The following FLG2 variants were observed in gnomAD, a reference collection of about 807,000 sequenced individuals.
FLG2 encodes the protein filaggrin-2.
In FLG2, 7 loss-of-function variants were observed where a neutral mutation model predicts 3.9. That is an observed-to-expected ratio of 1.79 (90% CI 1.02 to 3.36). The LOEUF (loss-of-function observed/expected upper bound fraction) is 3.36. FLG2 is among the 30% of genes most tolerant of loss of function. The pLI, the probability that FLG2 is intolerant of heterozygous loss-of-function variation, is 0.00. For synonymous variants in FLG2, 1,031 were observed against 1,056.1 expected, an observed-to-expected ratio of 0.98 and a Z score of 0.46; for missense variants, 2,700 against 2,809.4, an observed-to-expected ratio of 0.96 and a Z score of 0.88.
rs1225050064 is a variant in FLG2, at chr1:152,350,349, G to A, written c.*261C>T. ...ATTGTCCATGGCCAAATCCAAGGTG[G>A]TCATTTGACTGGCTATGTGTACATC... On this transcript the variant is annotated 3_prime_UTR_variant, in exon 3 of 3. Transcript: ENST00000388718. 2.0e-6 allele frequency: 1 copy of A among 499,188 alleles called. No individual in the cohort carries two copies. The highest frequency in any genetic ancestry group is 3.5e-5 in the East Asian group (1 of 28,392). The allele number at this position is 499,188 out of a possible 1,614,324, so 30.9% of individuals were successfully genotyped here. A position where few individuals can be genotyped will look rare whatever the true frequency, so the allele number is the denominator to read the frequency against.
intron 2 of FLG2, 123 bp from the exon 3 acceptor site, chr1:152,357,770 G>A: frequency 1.4e-6 from 1 of 694,946 alleles, no homozygotes; most frequent in Non-Finnish European, 2.4e-6. Flanking sequence ...TCCAATAAAG[G>A]ATTACTTTAG....
Position 152,352,606 on chromosome 1 carries a change from C to T in FLG2, c.5180G>A (p.Gly1727Asp), listed in dbSNP as rs752427222. 5.6e-6 allele frequency: 9 copies of T among 1,613,790 alleles called. No homozygotes were observed. In the African/African-American group the frequency reaches 1.2e-4, roughly 22 times the overall value. ...GSRTTGRRGSGHSEYSDSEGY... is the reference protein window; with the variant it reads ...GSRTTGRRGSDHSEYSDSEGY... Reference sequence around the variant, plus strand: ...TTCACTGTCACTGTACTCACTGTGGCCAGATCCCCTTCTTCCAGTAGTCCT... The same window carrying T: ...TTCACTGTCACTGTACTCACTGTGGTCAGATCCCCTTCTTCCAGTAGTCCT... Residue 1727 changes from glycine (G) to aspartate (D), a missense_variant, in exon 3 of 3, where the codon GGC (glycine) becomes GAC (aspartate). Transcript: ENST00000388718.
Position 152,353,287 on chromosome 1 carries a change from C to A in FLG2, c.4499G>T (p.Gly1500Val), listed in dbSNP as rs868407331. ...GSSTTGRRGS[G>V]HSESSDSEVH... Reference sequence around the variant, plus strand: ...TTCACTGTCACTGGACTCACTGTGGCCAGATCCCCTTCTTCCAGTTGTACT... The same window carrying A: ...TTCACTGTCACTGGACTCACTGTGGACAGATCCCCTTCTTCCAGTTGTACT... The change falls in exon 3 of 3, where the codon GGC (glycine) becomes GTC (valine). Residue 1500 changes from glycine to valine, a missense_variant. Coordinates refer to ENST00000388718, the MANE Select transcript of FLG2 (RefSeq NM_001014342.3). 6.4e-7 allele frequency: 1 copy of A among 1,568,272 alleles called. No homozygotes were observed. Among genetic ancestry groups the A allele is most frequent in the African/African-American group, 1.4e-5 (1 of 72,964 alleles).
chr1:152,353,968 C>T lies in FLG2; in HGVS notation c.3818G>A (p.Ser1273Asn). Residue 1273 changes from serine to asparagine, a missense_variant, in exon 3 of 3, where the codon AGT (serine) becomes AAT (asparagine). By Grantham distance (46) the Ser-to-Asn change is conservative. Transcript: ENST00000388718. ...GTGCACTTCACTGTCACTGTTCTCA[C>T]TTTGGCTAGATCTTCGTCTTCTAGT... ...RVTRRRRSSQ[S>N]ENSDSEVHSK... 2 of 1,614,206 alleles carry T rather than the reference C, an allele frequency of 1.2e-6. No homozygotes were observed.
rs1450599964 is a variant in FLG2, at chr1:152,357,193, C to T, written c.593G>A (p.Gly198Asp). The T allele has an allele frequency of 6.2e-7, 1 of 1,614,192 alleles. No homozygotes were observed. Among genetic ancestry groups the T allele is most frequent in the Non-Finnish European group, 8.5e-7 (1 of 1,180,026 alleles). The change falls in exon 3 of 3, where the codon GGT (glycine) becomes GAT (aspartate). Residue 198 changes from glycine to aspartate, a missense_variant. Physicochemically the swap from Gly to Asp is moderately conservative, Grantham distance 94. Coordinates refer to ENST00000388718, the MANE Select transcript of FLG2 (RefSeq NM_001014342.3). Reference protein sequence around the residue: ...HSWSGGKDRHGSSSVELRERI... With the variant: ...HSWSGGKDRHDSSSVELRERI... The stretch of plus-strand genomic sequence containing the variant: ...TTCTCTCAGTTCTACAGAGCTGGAA[C>T]CATGTCTGTCTTTGCCACCACTCCA...
Position 152,350,636 on chromosome 1 carries a change from CA to C in FLG2, c.7149del (p.Ala2384GlnfsTer18). The C allele has an allele frequency of 6.2e-7, 1 of 1,613,766 alleles. No individual in the cohort carries two copies. Among genetic ancestry groups the C allele is most frequent in the South Asian group, 1.1e-5 (1 of 90,960 alleles). On this transcript the variant is annotated frameshift_variant, in exon 3 of 3. Transcript: ENST00000388718. LOFTEE classifies it low-confidence loss of function (END_TRUNC). ...NSHLSWSTDSTANKQLSRH is the reference protein window; with the variant it reads ...NSHLSWSTDSXANKQLSRH ...CAATGTCTAGACAGTTGCTTGTTTG[CA>C]GTGCTGTCTGTTGACCATGAAAGGT...
Position 152,354,343 on chromosome 1 carries a change from G to A in FLG2, c.3443C>T (p.Ser1148Leu). ...ATGTTGGCCATAGCTAGACTGACCT[G>A]ATCTGTACTCATGCTGTGCAAAGCC... is the stretch of plus-strand genomic sequence containing the variant. The part of the protein sequence containing the change: ...SSGFAQHEYR[S>L]GQSSYGQHGT... Residue 1148 changes from serine to leucine, a missense_variant, in exon 3 of 3, where the codon TCA (serine) becomes TTA (leucine). Coordinates refer to ENST00000388718, the MANE Select transcript of FLG2 (RefSeq NM_001014342.3). 40 of 1,614,182 alleles carry A rather than the reference G, an allele frequency of 2.5e-5. No individual in the cohort carries two copies. Among genetic ancestry groups the A allele is most frequent in the Non-Finnish European group, 3.2e-5 (38 of 1,180,032 alleles).
rs776793851 is a variant in FLG2, at chr1:152,351,173, C to T, written c.6613G>A (p.Gly2205Arg). The T allele has an allele frequency of 5.6e-6, 9 of 1,611,432 alleles. 1 individual carries two copies. The highest frequency in any genetic ancestry group is 2.2e-5 in the East Asian group (1 of 44,724). ...GATCCTGACTGTCCATGTCGAGATC[C>T]GGCTTGGCTGTGAGTGTGTCCTGAA... Reference protein sequence around the residue: ...THSGHTHSQAGSRHGQSGSSG... With the variant: ...THSGHTHSQARSRHGQSGSSG... The change falls in exon 3 of 3, where the codon GGA (glycine) becomes AGA (arginine). Residue 2205 changes from glycine to arginine, a missense_variant. Coordinates refer to ENST00000388718, the MANE Select transcript of FLG2 (RefSeq NM_001014342.3).
chr1:152,352,201 T>C lies in FLG2; in HGVS notation c.5585A>G (p.His1862Arg), dbSNP rs1653968502. 3 of 1,613,902 alleles carry C rather than the reference T, an allele frequency of 1.9e-6. No individual in the cohort carries two copies. The highest frequency in any genetic ancestry group is 2.5e-6 in the Non-Finnish European group (3 of 1,179,972). ...GGATCCTGACTGTGTGGACTGTCCA[T>C]GACCAGATTGAGAATGTCCACTGGT... is the stretch of plus-strand genomic sequence containing the variant. Reference protein sequence around the residue: ...GDTSGHSQSGHGQSTQSGSST... With the variant: ...GDTSGHSQSGRGQSTQSGSST... The change falls in exon 3 of 3, where the codon CAT becomes CGT. Residue 1862 changes from histidine (H) to arginine (R), a missense_variant. His to Arg is a conservative substitution (Grantham distance 29). Coordinates refer to ENST00000388718, the MANE Select transcript of FLG2 (RefSeq NM_001014342.3).
rs563478563 is a variant in FLG2, at chr1:152,349,867, C to G, written c.*743G>C. The G allele has an allele frequency of 6.5e-6, 1 of 153,000 alleles. No individual in the cohort carries two copies. The highest frequency in any genetic ancestry group is 1.5e-5 in the Non-Finnish European group (1 of 68,202). The allele number at this position is 153,000 out of a possible 1,614,324, so 9.5% of individuals were successfully genotyped here. On this transcript the variant is annotated 3_prime_UTR_variant, in exon 3 of 3. Transcript: ENST00000388718. ...TTGACTCTGACTCTTGCCTTTGTCT[C>G]CCCCACTGCATATGGTTGCACTGCT...
At position 152,358,755 on chromosome 1, in the gene FLG2, C is replaced by G; in HGVS notation, c.130G>C (p.Val44Leu). 6.2e-7 allele frequency: 1 copy of G among 1,613,156 alleles called. No homozygotes were observed. Among genetic ancestry groups the G allele is most frequent in the Non-Finnish European group, 8.5e-7 (1 of 1,179,628 alleles). Reference protein sequence around the residue: ...KELLEKELHPVLKNPDDPDTV... With the variant: ...KELLEKELHPLLKNPDDPDTV... ...TGGCACATGGCTCTCACCTTCAGAACTGGATGAAGCTCTTTCTCCAGAAGT... is the reference window on the plus strand; with the variant it reads ...TGGCACATGGCTCTCACCTTCAGAAGTGGATGAAGCTCTTTCTCCAGAAGT... The change falls in exon 2 of 3, where the codon GTT becomes CTT. Residue 44 changes from valine to leucine, a missense_variant. Physicochemically the swap from Val to Leu is conservative, Grantham distance 32. Coordinates refer to ENST00000388718, the MANE Select transcript of FLG2 (RefSeq NM_001014342.3).
chr1:152,357,125 C>A lies in FLG2; in HGVS notation c.661G>T (p.Glu221Ter). ...SHISPSRESG[E>*]EYESGSGSNS... ...GATCCAGATCCAGATTCATACTCCT[C>A]CCCAGATTCCCTAGAAGGGCTAATG... The change falls in exon 3 of 3, where the codon GAG becomes TAG. Residue 221 changes from glutamate to a stop codon, truncating the protein, a stop_gained. Coordinates refer to ENST00000388718, the MANE Select transcript of FLG2 (RefSeq NM_001014342.3). LOFTEE classifies it low-confidence loss of function (END_TRUNC). 6.2e-7 allele frequency: 1 copy of A among 1,614,156 alleles called. No homozygotes were observed. Among genetic ancestry groups the A allele is most frequent in the Non-Finnish European group, 8.5e-7 (1 of 1,180,008 alleles).
chr1:152,352,985 G>T lies in FLG2; in HGVS notation c.4801C>A (p.Gln1601Lys). Reference sequence around the variant, plus strand: ...GGCTCTTCATGTTGAGATCCGGCTTGGCCGTAAGTGTGTTCTCGTGAGTGT... The same window carrying T: ...GGCTCTTCATGTTGAGATCCGGCTTTGCCGTAAGTGTGTTCTCGTGAGTGT... ...RPHSREHTYG[Q>K]AGSQHEEPEF... The change falls in exon 3 of 3, where the codon CAA (glutamine) becomes AAA (lysine). Residue 1601 changes from glutamine to lysine, a missense_variant. Physicochemically the swap from Gln to Lys is moderately conservative, Grantham distance 53. Transcript: ENST00000388718. 1 of 1,612,606 alleles carries T rather than the reference G, an allele frequency of 6.2e-7. No individual in the cohort carries two copies. Among genetic ancestry groups the T allele is most frequent in the Non-Finnish European group, 8.5e-7 (1 of 1,179,748 alleles).
chr1:152,351,270 T>C lies in FLG2; in HGVS notation c.6516A>G (p.Thr2172=). The C allele has an allele frequency of 6.2e-7, 1 of 1,612,088 alleles. No homozygotes were observed. The change falls in exon 3 of 3, where the codon ACA becomes ACG. Residue 2172 remains threonine, a synonymous_variant. Coordinates refer to ENST00000388718, the MANE Select transcript of FLG2 (RefSeq NM_001014342.3). The part of the protein sequence containing the change: ...HGQSTQTGSR[T]TGRQRSSHSE... Reference sequence around the variant, plus strand: ...TGTGACTAGATCTTTGTCTTCCAGTTGTCCTGGAACCTGTCTGTGTGGACT... The same window carrying C: ...TGTGACTAGATCTTTGTCTTCCAGTCGTCCTGGAACCTGTCTGTGTGGACT...
At position 152,352,367 on chromosome 1, in the gene FLG2, T is replaced by C; in HGVS notation, c.5419A>G (p.Ser1807Gly). 1.2e-6 allele frequency: 2 copies of C among 1,613,914 alleles called. No individual in the cohort carries two copies. Among genetic ancestry groups the C allele is most frequent in the Non-Finnish European group, 1.7e-6 (2 of 1,179,942 alleles). Residue 1807 changes from serine (S) to glycine (G), a missense_variant, in exon 3 of 3, where the codon AGT becomes GGT. Physicochemically the swap from Ser to Gly is moderately conservative, Grantham distance 56. Coordinates refer to ENST00000388718, the MANE Select transcript of FLG2 (RefSeq NM_001014342.3). Reference protein sequence around the residue: ...GRRSSGHSEYSDSEGHSGFSQ... With the variant: ...GRRSSGHSEYGDSEGHSGFSQ... ...AACCCTGAGTGCCCTTCACTGTCACTGTACTCACTGTGGCCAGATGACCTT... is the reference window on the plus strand; with the variant it reads ...AACCCTGAGTGCCCTTCACTGTCACCGTACTCACTGTGGCCAGATGACCTT...
rs1654254118 is a variant in FLG2, at chr1:152,356,824, A to G, written c.962T>C (p.Ile321Thr). The G allele has an allele frequency of 3.1e-6, 5 of 1,614,122 alleles. No individual in the cohort carries two copies. Among genetic ancestry groups the G allele is most frequent in the African/African-American group, 1.3e-5 (1 of 75,018 alleles). The part of the protein sequence containing the change: ...SYIQSGCQSG[I>T]KGGQGHGCVS... Reference sequence around the variant, plus strand: ...ACAGCCATGGCCTTGTCCTCCCTTAATTCCTGACTGACAGCCTGACTGAAT... The same window carrying G: ...ACAGCCATGGCCTTGTCCTCCCTTAGTTCCTGACTGACAGCCTGACTGAAT... The change falls in exon 3 of 3, where the codon ATT (isoleucine) becomes ACT (threonine). Residue 321 changes from isoleucine (I) to threonine (T), a missense_variant. Transcript: ENST00000388718.
Position 152,353,738 on chromosome 1 carries a change from C to T in FLG2, c.4048G>A (p.Ala1350Thr), listed in dbSNP as rs943779768. 2 of 1,613,870 alleles carry T rather than the reference C, an allele frequency of 1.2e-6. No individual in the cohort carries two copies. Among genetic ancestry groups the T allele is most frequent in the Non-Finnish European group, 1.7e-6 (2 of 1,179,950 alleles). ...CCTGAGTGCACTTCACTGTCAGTGG[C>T]ATCACTGTGGCTAAATCTCTGTCTT... ...SGRQRFSHSD[A>T]TDSEVHSGVS... The change falls in exon 3 of 3, where the codon GCC becomes ACC. Residue 1350 changes from alanine (A) to threonine (T), a missense_variant. Transcript: ENST00000388718.
Position 152,350,587 on chromosome 1 carries a change from A to C in FLG2, c.*23T>G. ...TCTTTTAGTTGCTTTGGATACTATA[A>C]GGTCAGAACTAGAAAATAACTGTCA... On this transcript the variant is annotated 3_prime_UTR_variant, in exon 3 of 3. Transcript: ENST00000388718. The C allele has an allele frequency of 6.3e-7, 1 of 1,593,972 alleles. No individual in the cohort carries two copies. Among genetic ancestry groups the C allele is most frequent in the Non-Finnish European group, 8.5e-7 (1 of 1,170,662 alleles).
chr1:152,356,630 C>T lies in FLG2; in HGVS notation c.1156G>A (p.Gly386Arg). The T allele has an allele frequency of 4.3e-6, 7 of 1,614,220 alleles. No homozygotes were observed. Among genetic ancestry groups the T allele is most frequent in the Non-Finnish European group, 5.1e-6 (6 of 1,180,034 alleles). Reference protein sequence around the residue: ...QSSCCGQYGSGGSQSCSNGQH... With the variant: ...QSSCCGQYGSRGSQSCSNGQH... ...CCATTACTACAAGACTGGCTACCTC[C>T]AGACCCATATTGTCCACAGCAAGAG... Residue 386 changes from glycine (G) to arginine (R), a missense_variant, in exon 3 of 3, where the codon GGA becomes AGA. Gly to Arg is a moderately radical substitution (Grantham distance 125). Transcript: ENST00000388718.
Sources: allele counts gnomAD v4.1 joint callset, GRCh38; gene constraint gnomAD v4.1.1; transcripts MANE v1.5; gene names NCBI Gene and HGNC (gene_info 2026-07-23, HGNC 2026-07-21).